PLA2R1: variants seen among roughly 807,000 people sequenced by gnomAD.
PLA2R1 encodes the protein phospholipase A2 receptor 1.
Under a neutral mutation model 195.9 loss-of-function variants are expected in PLA2R1, and 158 were observed. That is an observed-to-expected ratio of 0.81 (90% confidence interval 0.71 to 0.92). The LOEUF (loss-of-function observed/expected upper bound fraction) is 0.92. Ranked by LOEUF, PLA2R1 falls within the 40% of genes least tolerant of loss-of-function variation. The probability of loss-of-function intolerance (pLI) is 0.00; values close to 1 mark genes in which losing one functional copy is unlikely to be tolerated. For missense variants in PLA2R1, 1,626 were observed against 1,764.6 expected (o/e 0.92, Z 1.41); for synonymous variants, 586 against 598.2 (o/e 0.98, Z 0.30).
the PLA2R1 span, among the ~76,000 whole-genome samples, chr2:159,924,865 A>G: frequency 5.9e-5 from 9 of 152,158 alleles, no homozygotes; most frequent in Non-Finnish European, 1.2e-4. Flanking sequence ...GTTAGATCCT[A>G]TATTTTGTTA....
chr2:159,980,056 TATAATA>T, intron 13 of PLA2R1, 142 bp from the exon 14 acceptor site: 2 of 389,954 alleles, frequency 5.1e-6, no homozygotes, highest in Non-Finnish European at 9.2e-6. Context: ...AAACTTAAAG[TATAATA>T]ATAATAAAAG....
chr2:160,026,783 A>T (rs1430329683), intron 6 of PLA2R1, among the ~76,000 whole-genome samples: 1 of 152,194 alleles, frequency 6.6e-6, no homozygotes, highest in Admixed American at 6.5e-5. Flanking sequence ...AGAACTTTGT[A>T]TATCATTGAC....
rs2105614132 is a variant in PLA2R1, at chr2:160,044,796, G to A, written c.471C>T (p.Asp157=). 4.3e-6 allele frequency: 7 copies of A among 1,612,146 alleles called. 1 individual carries two copies. In the South Asian group the frequency reaches 5.5e-5, roughly 13 times the overall value. The change falls in exon 2 of 30, where the codon GAC becomes GAT. Residue 157 remains aspartate (D), a synonymous_variant. Coordinates refer to ENST00000283243, the MANE Select transcript of PLA2R1 (RefSeq NM_007366.5). The stretch of plus-strand genomic sequence containing the variant: ...TACCTTTGTGTAGATATTCACAAAT[G>A]TCTCCACCACCTGACCCATAAGAAA... The part of the protein sequence containing the change: ...KWISYGSGGG[D]ICEYLHKDLH...
Position 159,935,585 on chromosome 2 carries a change from TG to T in PLA2R1, c.*6192del, listed in dbSNP as rs1212127717. The T allele has an allele frequency of 6.6e-6, 1 of 152,230 alleles. No individual in the cohort carries two copies. Among genetic ancestry groups the T allele is most frequent in the Non-Finnish European group, 1.5e-5 (1 of 68,028 alleles). The allele number at this position is 152,230 out of a possible 1,614,324, so 9.4% of individuals were successfully genotyped here. ...TTTCCACTGGAGAGCTCCTTCAGGT[TG>T]GTTCCTGTAGCCTTCAGACATGTGC... On this transcript the variant is annotated 3_prime_UTR_variant, in exon 30 of 30. Transcript: ENST00000283243.
intron 12 of PLA2R1, 125 bp downstream of exon 12, chr2:159,987,031 C>T: frequency 1.5e-6 from 1 of 661,922 alleles, no homozygotes; most frequent in Non-Finnish European, 2.7e-6. Context: ...TGATTAAGCA[C>T]CTGCTGTCTG....
Position 159,994,907 on chromosome 2 carries a change from G to A in PLA2R1, c.1835-7549C>T, listed in dbSNP as rs181823569. Among the ~76,000 whole-genome samples the A allele has an allele frequency of 2.3e-4, 35 of 152,202 alleles. No homozygotes were observed. In the East Asian group the frequency reaches 6.4e-3, roughly 28 times the overall value. ...TGGGTGGTTCTGAGTGTTCATGTAG[G>A]TTCGTCAATTGTAGCAAATGTACGA... is the stretch of plus-strand genomic sequence containing the variant. On this transcript the variant is annotated intron_variant, in intron 11 of 29. Coordinates refer to ENST00000283243, the MANE Select transcript of PLA2R1 (RefSeq NM_007366.5).
rs766432402 is a variant in PLA2R1 at position 159,976,175 on chromosome 2, CAAAGGTATGAA to C, written c.2477_2487del (p.Phe826CysfsTer8). 6.2e-6 allele frequency: 10 copies of C among 1,610,454 alleles called. No individual in the cohort carries two copies. The highest frequency in any genetic ancestry group is 2.7e-5 in the African/African-American group (2 of 74,704). On this transcript the variant is annotated frameshift_variant, in exon 17 of 30. Transcript: ENST00000283243. LOFTEE classifies it high-confidence loss of function. ...AACTCAAAGTTCAACCATTCTGAGG[CAAAGGTATGAA>C]AAAGGTATTCTGCATCCTGATAAAA...
chr2:159,950,227 C>T (rs1041489787), intron 24 of PLA2R1, among the ~76,000 whole-genome samples: 1 of 152,180 alleles, frequency 6.6e-6, no homozygotes, highest in Non-Finnish European at 1.5e-5. Context: ...TTCTGTACTA[C>T]ATGATGCAAT....
intron 1 of PLA2R1, among the ~76,000 whole-genome samples, chr2:160,049,043 G>A (rs917513104): frequency 4.0e-5 from 6 of 151,708 alleles, no homozygotes; most frequent in East Asian, 1.9e-4. Flanking sequence ...GGGTTTCACC[G>A]TTCTAGCCGG....
At chr2:160,014,574 A>T (rs1692606303) in intron 9 of PLA2R1, among the ~76,000 whole-genome samples, 1 of 152,016 alleles carries the variant, frequency 6.6e-6, no homozygotes, top group Non-Finnish European at 1.5e-5. Context: ...GTTTTAAAAC[A>T]CTCTTCATTT....
chr2:159,978,430 C>A (rs1218375489), intron 14 of PLA2R1, among the ~76,000 whole-genome samples: 1 of 152,076 alleles, frequency 6.6e-6, no homozygotes, highest in Admixed American at 6.6e-5. Flanking sequence ...ATATATATAG[C>A]CTCAGGTTCA....
chr2:159,927,729 T>G (rs151290899), downstream of PLA2R1, among the ~76,000 whole-genome samples: 6 of 152,322 alleles, frequency 3.9e-5, no homozygotes, highest in East Asian at 1.2e-3. Context: ...TATGGTCTGA[T>G]AGCATAGACT....
At chr2:160,045,576 T>G (rs1289274334) in intron 1 of PLA2R1, among the ~76,000 whole-genome samples, 1 of 152,224 alleles carries the variant, frequency 6.6e-6, no homozygotes, top group Non-Finnish European at 1.5e-5. Flanking sequence ...TGCCTGAATG[T>G]TAGGAACACA....
the PLA2R1 span, among the ~76,000 whole-genome samples, chr2:159,925,965 T>TG: frequency 6.6e-6 from 1 of 152,068 alleles, no homozygotes; most frequent in South Asian, 2.1e-4. Context: ...ACCTTTTTGG[T>TG]GGGGGGAGGA....
intron 17 of PLA2R1, among the ~76,000 whole-genome samples, chr2:159,973,489 T>G (rs1689324272): frequency 6.7e-6 from 1 of 149,226 alleles, no homozygotes; most frequent in South Asian, 2.2e-4. Flanking sequence ...GGGTGTCTCA[T>G]GAATGGGATT....
rs776115148 is a variant in PLA2R1, at chr2:159,967,720, C to T, written c.2765-42G>A. Reference sequence around the variant, plus strand: ...GTTAGAAATGGCTTAGGAACAATGGCGATTCTTTGAAGGCATTCTCTATTG... The same window carrying T: ...GTTAGAAATGGCTTAGGAACAATGGTGATTCTTTGAAGGCATTCTCTATTG... On this transcript the variant is annotated intron_variant, in intron 19 of 29. Transcript: ENST00000283243. 26 of 1,575,712 alleles carry T rather than the reference C, an allele frequency of 1.7e-5. No individual in the cohort carries two copies. The East Asian group carries it at 4.1e-4, about 25-fold the overall frequency.
In PLA2R1 at chr2:159,951,519, A is replaced by G; in HGVS notation, c.3361T>C (p.Tyr1121His). Reference protein sequence around the residue: ...DMYPMPNTLEYGNRTYKIINA... With the variant: ...DMYPMPNTLEHGNRTYKIINA... ...ATTATTTTGTAAGTTCTGTTTCCATATTCTAAGGTATTGGGCATTGGATAC... is the reference window on the plus strand; with the variant it reads ...ATTATTTTGTAAGTTCTGTTTCCATGTTCTAAGGTATTGGGCATTGGATAC... Residue 1121 changes from tyrosine to histidine, a missense_variant, in exon 24 of 30, where the codon TAT (tyrosine) becomes CAT (histidine). Physicochemically the swap from Tyr to His is moderately conservative, Grantham distance 83 (BLOSUM62 2). Coordinates refer to ENST00000283243, the MANE Select transcript of PLA2R1 (RefSeq NM_007366.5). 1 of 1,608,226 alleles carries G rather than the reference A, an allele frequency of 6.2e-7. No individual in the cohort carries two copies. Among genetic ancestry groups the G allele is most frequent in the Non-Finnish European group, 8.5e-7 (1 of 1,174,448 alleles).
intron 6 of PLA2R1, among the ~76,000 whole-genome samples, chr2:160,027,053 C>T (rs912886068): frequency 1.3e-5 from 2 of 152,182 alleles, no homozygotes; most frequent in African/African-American, 4.8e-5. Flanking sequence ...TTGCTTGAAC[C>T]CAGGAGGCGG....
chr2:159,952,366 CTAGGATATGTATAGAACATATGT>C (rs920927286), intron 23 of PLA2R1, among the ~76,000 whole-genome samples: 31 of 152,056 alleles, frequency 2.0e-4, no homozygotes, highest in African/African-American at 6.5e-4. Flanking sequence ...TCTATATGTA[CTAGGATATGTATAGAACATATGT>C]TAGGATATGT....
Sources: gnomAD v4.1 joint callset for allele counts (sites outside exome capture counted in the v4.1 genomes callset) on GRCh38, gnomAD v4.1.1 for gene constraint, MANE v1.5 for transcripts, NCBI Gene and HGNC (gene_info 2026-07-23, HGNC 2026-07-21) for gene names.